SEMA3B: variants seen among roughly 807,000 people sequenced by gnomAD.
SEMA3B encodes the protein semaphorin 3B.
SEMA3B carries 71 observed loss-of-function variants against 77.8 expected under a neutral mutation model. The ratio of observed to expected loss-of-function variants is 0.91; its 90% CI spans 0.75 to 1.11. The LOEUF (loss-of-function observed/expected upper bound fraction) is 1.11, where lower values mean the gene tolerates loss of function less well. SEMA3B is among the 50% of genes most tolerant of loss of function. The pLI, the probability that SEMA3B is intolerant of heterozygous loss-of-function variation, is 0.00. For missense variants in SEMA3B, 968 were observed against 1,056.8 expected, an observed-to-expected ratio of 0.92 and a Z score of 1.17; for synonymous variants, 470 against 452.9, an observed-to-expected ratio of 1.04 and a Z score of -0.48.
In SEMA3B at chr3:50,270,798, C is replaced by T. The variant is rs587667213; in HGVS notation, c.331-92C>T. 6 of 1,526,456 alleles carry T rather than the reference C, an allele frequency of 3.9e-6. No individual in the cohort carries two copies. The African/African-American group carries it at 4.1e-5, about 10-fold the overall frequency. The allele number at this position is 1,526,456 out of a possible 1,614,324, so 94.6% of individuals were successfully genotyped here. A position where few individuals can be genotyped will look rare whatever the true frequency, so the allele number is the denominator to read the frequency against. On this transcript the variant is annotated intron_variant, in intron 3 of 16. Transcript: ENST00000616701. This position sits in a 1 kb window ranked among gnomAD's most constrained non-coding sequence, Gnocchi z 4.7. ...TGTTAGTACTTGCCTGGGCTGATGC[C>T]GAAGAGAGGGAGGGGTGAGGATGCC...
rs781787529 is a variant in SEMA3B at position 50,273,245 on chromosome 3, G to A, written c.665-53G>A. 2.9e-5 allele frequency: 46 copies of A among 1,571,262 alleles called. No homozygotes were observed. The highest frequency in any genetic ancestry group is 1.7e-4 in the Middle Eastern group (1 of 5,960). ...GAAGGGGAAGCAGCGCGTGGGTCTC[G>A]CATCAGGAGGCAAGGCCAGGACCCG... On this transcript the variant is annotated intron_variant, in intron 6 of 16. Transcript: ENST00000616701. This position sits in a 1 kb window ranked among gnomAD's most constrained non-coding sequence, Gnocchi z 6.5.
In SEMA3B at chr3:50,269,354, G is replaced by A; in HGVS notation, c.109+5G>A. 2 of 1,471,742 alleles carry A rather than the reference G, an allele frequency of 1.4e-6. No homozygotes were observed. Among genetic ancestry groups the A allele is most frequent in the Non-Finnish European group, 1.8e-6 (2 of 1,106,654 alleles). The allele number at this position is 1,471,742 out of a possible 1,614,324, so 91.2% of individuals were successfully genotyped here. A position where few individuals can be genotyped will look rare whatever the true frequency, so the allele number is the denominator to read the frequency against. On this transcript the variant is annotated splice_donor_5th_base_variant and intron_variant, in intron 1 of 16. Coordinates refer to ENST00000616701, the MANE Select transcript of SEMA3B (RefSeq NM_001290060.2). The surrounding 1 kb of genome is among the most constrained non-coding windows in gnomAD (Gnocchi z 4.0). ...GCCTTCGGCTCTCCTTCCAAGGTAG[G>A]TGCACCTGGCAGGCGGGAGGGCCCA...
Position 50,269,860 on chromosome 3 carries a change from C to T in SEMA3B, c.110-267C>T, listed in dbSNP as rs946019029. Reference sequence around the variant, plus strand: ...TGTCCATAAGCCTTGCCTCCCAGTGCGCCCGCCTGGAGACACCACCTGTCT... The same window carrying T: ...TGTCCATAAGCCTTGCCTCCCAGTGTGCCCGCCTGGAGACACCACCTGTCT... On this transcript the variant is annotated intron_variant, in intron 1 of 16. Transcript: ENST00000616701. The surrounding 1 kb of genome is among the most constrained non-coding windows in gnomAD (Gnocchi z 4.0). 6.6e-6 allele frequency among the ~76,000 whole-genome samples: 1 copy of T among 152,168 alleles called. No homozygotes were observed. The highest frequency in any genetic ancestry group is 6.5e-5 in the Admixed American group (1 of 15,286).
At position 50,275,869 on chromosome 3, in the gene SEMA3B, C is replaced by A. The variant is rs782796277; in HGVS notation, c.1845+25C>A. On this transcript the variant is annotated intron_variant, in intron 16 of 16. Transcript: ENST00000616701. This position sits in a 1 kb window ranked among gnomAD's most constrained non-coding sequence, Gnocchi z 7.5. ...GGTGAGCCTTACTCCGCCCTCCCCG[C>A]CAGGCTCCTGTCCCACCCCCTGCAT... is the stretch of plus-strand genomic sequence containing the variant. 2.6e-6 allele frequency: 4 copies of A among 1,560,490 alleles called. No homozygotes were observed. Among genetic ancestry groups the A allele is most frequent in the African/African-American group, 1.3e-5 (1 of 74,076 alleles).
Position 50,270,758 on chromosome 3 carries a change from G to A in SEMA3B, c.331-132G>A. On this transcript the variant is annotated intron_variant, in intron 3 of 16. Coordinates refer to ENST00000616701, the MANE Select transcript of SEMA3B (RefSeq NM_001290060.2). This position sits in a 1 kb window ranked among gnomAD's most constrained non-coding sequence, Gnocchi z 4.7. The stretch of plus-strand genomic sequence containing the variant: ...CTGGGCTGGTCAGCAAGGGCCCCCA[G>A]GTCCCTGTAGCCCATGTTAGTACTT... 2 of 1,433,154 alleles carry A rather than the reference G, an allele frequency of 1.4e-6. No individual in the cohort carries two copies. Among genetic ancestry groups the A allele is most frequent in the Non-Finnish European group, 9.4e-7 (1 of 1,064,488 alleles). The allele number at this position is 1,433,154 out of a possible 1,614,324, so 88.8% of individuals were successfully genotyped here. A position where few individuals can be genotyped will look rare whatever the true frequency, so the allele number is the denominator to read the frequency against.
intron 6 of SEMA3B, among the ~76,000 whole-genome samples, 190 bp downstream of exon 6, chr3:50,271,670 C>T (rs1323050683): frequency 2.0e-5 from 3 of 152,066 alleles, no homozygotes; most frequent in Non-Finnish European, 2.9e-5. Flanking sequence ...TCACAGATCA[C>T]ATACATGATA....
Position 50,274,551 on chromosome 3 carries a change from C to A in SEMA3B, c.1326C>A (p.Asp442Glu). The change falls in exon 11 of 17, where the codon GAC becomes GAA. Residue 442 changes from aspartate (D) to glutamate (E), a missense_variant. Physicochemically the swap from Asp to Glu is conservative, Grantham distance 45 (BLOSUM62 2). Coordinates refer to ENST00000616701, the MANE Select transcript of SEMA3B (RefSeq NM_001290060.2). The surrounding 1 kb of genome is among the most constrained non-coding windows in gnomAD (Gnocchi z 4.7). ...QIAADRVAAA[D>E]GHYDVLFIGT... is the part of the protein sequence containing the mutation. ...CCGCGGACCGGGTTGCAGCCGCTGA[C>A]GGACACTATGACGTCCTCTTCATTG... 2 of 1,557,052 alleles carry A rather than the reference C, an allele frequency of 1.3e-6. No homozygotes were observed. The highest frequency in any genetic ancestry group is 8.7e-7 in the Non-Finnish European group (1 of 1,152,642).
upstream of SEMA3B, among the ~76,000 whole-genome samples, chr3:50,264,940 G>A (rs959332094): frequency 2.0e-5 from 3 of 152,288 alleles, no homozygotes; most frequent in Non-Finnish European, 4.4e-5. Flanking sequence ...TGGGGCAGGC[G>A]GGGGTAGGGC....
rs782608171 is a variant in SEMA3B at position 50,273,885 on chromosome 3, C to G, written c.993-28C>G. 1.2e-5 allele frequency: 19 copies of G among 1,580,938 alleles called. No individual in the cohort carries two copies. Among genetic ancestry groups the G allele is most frequent in the Admixed American group, 7.2e-5 (4 of 55,192 alleles). On this transcript the variant is annotated intron_variant, in intron 9 of 16. Transcript: ENST00000616701. This position sits in a 1 kb window ranked among gnomAD's most constrained non-coding sequence, Gnocchi z 6.5. ...CGGGCCGCTGGGCTCCACCCGGCCC[C>G]TCACCTCGCCCTGGTCTTCGCCTCC...
In SEMA3B at chr3:50,270,634, T is replaced by A; in HGVS notation, c.330+139T>A. The stretch of plus-strand genomic sequence containing the variant: ...CGAGGTGGCTGAGGTCTGGGGGTGG[T>A]GAGTCAGGGTGGGGGCTCGTGTAAT... On this transcript the variant is annotated intron_variant, in intron 3 of 16. Coordinates refer to ENST00000616701, the MANE Select transcript of SEMA3B (RefSeq NM_001290060.2). The surrounding 1 kb of genome is among the most constrained non-coding windows in gnomAD (Gnocchi z 4.7). The A allele has an allele frequency of 8.2e-7, 1 of 1,224,214 alleles. No individual in the cohort carries two copies. Among genetic ancestry groups the A allele is most frequent in the Non-Finnish European group, 1.1e-6 (1 of 878,138 alleles). The allele number at this position is 1,224,214 out of a possible 1,614,324, so 75.8% of individuals were successfully genotyped here.
Position 50,276,722 on chromosome 3 carries a change from G to A in SEMA3B, c.*16G>A. On this transcript the variant is annotated 3_prime_UTR_variant, in exon 17 of 17. Transcript: ENST00000616701. This position sits in a 1 kb window ranked among gnomAD's most constrained non-coding sequence, Gnocchi z 5.8. ...GCACTGGTGACCAGACTGTCCCCAC[G>A]CCGGGAACCAAGCAGGAGACGACAG... The A allele has an allele frequency of 1.4e-6, 2 of 1,478,304 alleles. No individual in the cohort carries two copies. The highest frequency in any genetic ancestry group is 8.9e-7 in the Non-Finnish European group (1 of 1,123,858). The allele number at this position is 1,478,304 out of a possible 1,614,324, so 91.6% of individuals were successfully genotyped here.
In SEMA3B at chr3:50,275,300, A is replaced by C. The variant is rs1553706310; in HGVS notation, c.1492-2A>C. 2 of 1,559,526 alleles carry C rather than the reference A, an allele frequency of 1.3e-6. No individual in the cohort carries two copies. The highest frequency in any genetic ancestry group is 1.7e-6 in the Non-Finnish European group (2 of 1,153,174). Reference sequence around the variant, plus strand: ...CAGCCCAGAGCCCCTCGTGCCCCCTAGCACCAGCTGTACGTAGCCTCGCGG... The same window carrying C: ...CAGCCCAGAGCCCCTCGTGCCCCCTCGCACCAGCTGTACGTAGCCTCGCGG... On this transcript the variant is annotated splice_acceptor_variant, in intron 13 of 16. Coordinates refer to ENST00000616701, the MANE Select transcript of SEMA3B (RefSeq NM_001290060.2). LOFTEE classifies it high-confidence loss of function. The surrounding 1 kb of genome is among the most constrained non-coding windows in gnomAD (Gnocchi z 7.5).
rs1053642025 is a variant in SEMA3B at position 50,275,827 on chromosome 3, G to T, written c.1828G>T (p.Val610Leu). 3.7e-6 allele frequency: 6 copies of T among 1,606,224 alleles called. No individual in the cohort carries two copies. The highest frequency in any genetic ancestry group is 3.4e-6 in the Non-Finnish European group (4 of 1,178,292). The change falls in exon 16 of 17, where the codon GTG becomes TTG. Residue 610 changes from valine to leucine, a missense_variant. Transcript: ENST00000616701. This position sits in a 1 kb window ranked among gnomAD's most constrained non-coding sequence, Gnocchi z 7.5. ...RVEWTFQRAG[V>L]TAHTQVLAEE... ...GGAGTGGACTTTCCAGCGCGCAGGGGTGACAGCCCACACCCAGGTGAGCCT... is the reference window on the plus strand; with the variant it reads ...GGAGTGGACTTTCCAGCGCGCAGGGTTGACAGCCCACACCCAGGTGAGCCT...
intron 6 of SEMA3B, 139 bp downstream of exon 6, chr3:50,271,619 C>G (rs587746689): frequency 8.0e-6 from 10 of 1,242,778 alleles, no homozygotes; most frequent in Non-Finnish European, 7.7e-6. Context: ...ACTGGCGTCA[C>G]AGAGACAGAC....
In SEMA3B at chr3:50,276,581, A is replaced by G. The variant is rs1372052614; in HGVS notation, c.2125A>G (p.Met709Val). 3.2e-6 allele frequency: 5 copies of G among 1,557,892 alleles called. No homozygotes were observed. Among genetic ancestry groups the G allele is most frequent in the African/African-American group, 1.4e-5 (1 of 73,500 alleles). ...GGGGSANSLRMCRPQPALQSL... is the reference protein window; with the variant it reads ...GGGGSANSLRVCRPQPALQSL... ...AGGTGGCAGCGCGAACTCCCTGCGC[A>G]TGTGCCGCCCGCAGCCTGCGCTGCA... The change falls in exon 17 of 17, where the codon ATG becomes GTG. Residue 709 changes from methionine to valine, a missense_variant. Coordinates refer to ENST00000616701, the MANE Select transcript of SEMA3B (RefSeq NM_001290060.2). This position sits in a 1 kb window ranked among gnomAD's most constrained non-coding sequence, Gnocchi z 5.8.
rs1181896517 is a variant in SEMA3B, at chr3:50,275,953, CTG to C, written c.1845+111_1845+112del. On this transcript the variant is annotated intron_variant, in intron 16 of 16. Transcript: ENST00000616701. The surrounding 1 kb of genome is among the most constrained non-coding windows in gnomAD (Gnocchi z 7.5). ...CGTCCAACCAGACCCACTCCCCGCC[CTG>C]TCCAGTTTGGTCCCTCACCTGCACT... 2.2e-6 allele frequency: 3 copies of C among 1,392,150 alleles called. No individual in the cohort carries two copies. The highest frequency in any genetic ancestry group is 2.9e-5 in the African/African-American group (2 of 68,978). The allele number at this position is 1,392,150 out of a possible 1,614,324, so 86.2% of individuals were successfully genotyped here.
rs782482161 is a variant in SEMA3B, at chr3:50,275,497, GA to G, written c.1649+40del. On this transcript the variant is annotated intron_variant, in intron 14 of 16. Coordinates refer to ENST00000616701, the MANE Select transcript of SEMA3B (RefSeq NM_001290060.2). This position sits in a 1 kb window ranked among gnomAD's most constrained non-coding sequence, Gnocchi z 7.5. ...GGGGTTGGGCCGCCGGGAGGGAGGC[GA>G]AGGGTCTTTCACTGCCCGGGGCTGA... 1 of 1,609,094 alleles carries G rather than the reference GA, an allele frequency of 6.2e-7. No homozygotes were observed.
intron 6 of SEMA3B, 78 bp downstream of exon 6, chr3:50,271,558 A>G: frequency 7.1e-6 from 11 of 1,538,628 alleles, no homozygotes; most frequent in Non-Finnish European, 9.7e-6. Flanking sequence ...CCATAAAGTA[A>G]GTGAGCAGTG....
In SEMA3B at chr3:50,275,446, C is replaced by G; in HGVS notation, c.1636C>G (p.Pro546Ala). Reference protein sequence around the residue: ...WDGVACTRFQPSAKRRFRRQD... With the variant: ...WDGVACTRFQASAKRRFRRQD... ...CGGGGTCGCGTGCACGCGCTTCCAG[C>G]CCAGTGCCAAGAGGTGGGCGGGGTC... The change falls in exon 14 of 17, where the codon CCC becomes GCC. Residue 546 changes from proline to alanine, a missense_variant. Pro to Ala is a conservative substitution (Grantham distance 27). Coordinates refer to ENST00000616701, the MANE Select transcript of SEMA3B (RefSeq NM_001290060.2). The surrounding 1 kb of genome is among the most constrained non-coding windows in gnomAD (Gnocchi z 7.5). 1.9e-6 allele frequency: 3 copies of G among 1,607,438 alleles called. No homozygotes were observed. Among genetic ancestry groups the G allele is most frequent in the Non-Finnish European group, 2.5e-6 (3 of 1,176,622 alleles).
Sources: allele counts gnomAD v4.1 joint callset (sites outside exome capture counted in the v4.1 genomes callset), GRCh38; gene constraint gnomAD v4.1.1; non-coding constraint Gnocchi (gnomAD v3.1); transcripts MANE v1.5; gene names NCBI Gene and HGNC (gene_info 2026-07-23, HGNC 2026-07-21).